The following PROS1 variants were observed in gnomAD, a reference collection of about 807,000 sequenced individuals.
PROS1 encodes the protein protein S.
In PROS1, 29 loss-of-function variants were observed where a neutral mutation model predicts 75.9. The observed-to-expected ratio is 0.38, with a 90% CI of 0.28 to 0.52. The LOEUF is 0.52. PROS1 is among the 20% of genes least tolerant of loss of function. PROS1 has a pLI of 0.83. For synonymous variants in PROS1, 245 were observed against 280.6 expected, an observed-to-expected ratio of 0.87 and a Z score of 1.27; for missense variants, 680 against 810.3, an observed-to-expected ratio of 0.84 and a Z score of 1.95.
intron 1 of PROS1, among the ~76,000 whole-genome samples, chr3:93,968,915 C>T (rs1376908379): frequency 1.3e-5 from 2 of 152,146 alleles, no homozygotes; most frequent in South Asian, 2.1e-4. Flanking sequence ...AATAAGGGCT[C>T]GGATTCTTCC....
chr3:93,957,785 G>A (rs768289619), intron 1 of PROS1, among the ~76,000 whole-genome samples: 1 of 152,104 alleles, frequency 6.6e-6, no homozygotes, highest in Non-Finnish European at 1.5e-5. Context: ...ACATTGCTAC[G>A]AAGAAATACC....
intron 10 of PROS1, among the ~76,000 whole-genome samples, chr3:93,891,706 A>C (rs1708432852): frequency 6.6e-6 from 1 of 152,040 alleles, no homozygotes; most frequent in Non-Finnish European, 1.5e-5. Context: ...CACTGCGCCC[A>C]GCCTAAAATG....
intron 3 of PROS1, among the ~76,000 whole-genome samples, chr3:93,911,437 T>C (rs1708758577): frequency 6.6e-6 from 1 of 152,176 alleles, no homozygotes; most frequent in African/African-American, 2.4e-5. Flanking sequence ...CAGCTTACTA[T>C]AAAAAAGATG....
intron 3 of PROS1, among the ~76,000 whole-genome samples, chr3:93,913,494 C>A (rs942919018): frequency 6.6e-5 from 10 of 152,176 alleles, no homozygotes; most frequent in African/African-American, 2.4e-4. Context: ...GCCTTTCCAG[C>A]CATGTGGAAC....
chr3:93,913,914 A>G (rs769640699), intron 3 of PROS1, among the ~76,000 whole-genome samples: 6 of 152,230 alleles, frequency 3.9e-5, no homozygotes, highest in Non-Finnish European at 7.3e-5. Flanking sequence ...AAAAGGAAAA[A>G]CAGGTAAGAA....
chr3:93,941,348 A>G (rs1428070225), intron 1 of PROS1, among the ~76,000 whole-genome samples: 3 of 152,156 alleles, frequency 2.0e-5, no homozygotes, highest in Non-Finnish European at 4.4e-5. Context: ...CTAACTTGGC[A>G]TAGTTCTTCA....
chr3:93,876,936 T>G, intron 14 of PROS1, 30 bp downstream of exon 14: 2 of 1,427,400 alleles, frequency 1.4e-6, no homozygotes, highest in Non-Finnish European at 2.0e-6. Context: ...AAATATACTT[T>G]TTAAAACTGA....
intron 6 of PROS1, among the ~76,000 whole-genome samples, chr3:93,905,251 T>C (rs1432812125): frequency 6.6e-6 from 1 of 152,200 alleles, no homozygotes; most frequent in African/African-American, 2.4e-5. Flanking sequence ...TATTGAAACA[T>C]ACACACAAGT....
At chr3:93,928,445 A>G (rs1207105130) in intron 1 of PROS1, among the ~76,000 whole-genome samples, 1 of 151,410 alleles carries the variant, frequency 6.6e-6, no homozygotes, top group Non-Finnish European at 1.5e-5. Context: ...GAGACACGAG[A>G]ATCATTTGAA....
chr3:93,944,419 A>G (rs1709345996), intron 1 of PROS1, among the ~76,000 whole-genome samples: 1 of 152,200 alleles, frequency 6.6e-6, no homozygotes, highest in South Asian at 2.1e-4. Flanking sequence ...AGCACTCCTC[A>G]GCAAATCTAA....
At chr3:93,943,161 C>G (rs930906526) in intron 1 of PROS1, among the ~76,000 whole-genome samples, 5 of 152,154 alleles carry the variant, frequency 3.3e-5, no homozygotes, top group African/African-American at 1.2e-4. Flanking sequence ...CTTCATACCC[C>G]TTACCAACCT....
At chr3:93,967,595 T>G (rs1464665573) in intron 1 of PROS1, among the ~76,000 whole-genome samples, 2 of 152,138 alleles carry the variant, frequency 1.3e-5, no homozygotes, top group Non-Finnish European at 2.9e-5. Flanking sequence ...ATCATTAAAA[T>G]ATAGTGCTAT....
At chr3:93,925,534 A>G (rs1709003419) in intron 2 of PROS1, among the ~76,000 whole-genome samples, 1 of 152,096 alleles carries the variant, frequency 6.6e-6, no homozygotes, top group African/African-American at 2.4e-5. Flanking sequence ...ACACAGTAAC[A>G]AATGTTTGGT....
chr3:93,886,238 A>G, intron 11 of PROS1, 98 bp downstream of exon 11: 1 of 1,172,298 alleles, frequency 8.5e-7, no homozygotes, highest in Non-Finnish European at 1.3e-6. Flanking sequence ...TATGCTTAAC[A>G]AAACAACTTC....
chr3:93,951,088 G>A (rs973875214), intron 1 of PROS1, among the ~76,000 whole-genome samples: 1 of 152,168 alleles, frequency 6.6e-6, no homozygotes, highest in African/African-American at 2.4e-5. Context: ...AGAAATATGG[G>A]ACTATGTGAA....
At chr3:93,928,047 C>G (rs1306091106) in intron 1 of PROS1, among the ~76,000 whole-genome samples, 2 of 117,870 alleles carry the variant, frequency 1.7e-5, no homozygotes, top group Non-Finnish European at 3.3e-5. Flanking sequence ...CGGAGTCTCG[C>G]TCTGTCGCCC....
intron 1 of PROS1, among the ~76,000 whole-genome samples, chr3:93,961,250 GA>G (rs1709702299): frequency 6.6e-6 from 1 of 152,202 alleles, no homozygotes; most frequent in South Asian, 2.1e-4. Flanking sequence ...GAGAAGCAGG[GA>G]AAGGTCAGTT....
intron 1 of PROS1, among the ~76,000 whole-genome samples, chr3:93,961,556 T>C (rs1709705934): frequency 6.6e-6 from 1 of 152,212 alleles, no homozygotes; most frequent in Non-Finnish European, 1.5e-5. Flanking sequence ...CCATTGATTT[T>C]AGCCTTGTGA....
At chr3:93,877,970 G>A (rs773224969) in intron 13 of PROS1, among the ~76,000 whole-genome samples, 7 of 152,220 alleles carry the variant, frequency 4.6e-5, no homozygotes, top group African/African-American at 7.2e-5. Flanking sequence ...GTACATGTCC[G>A]TATCCTTAAA....
Sources: allele counts gnomAD v4.1 joint callset (sites outside exome capture counted in the v4.1 genomes callset), GRCh38; gene constraint gnomAD v4.1.1; transcripts MANE v1.5; gene names NCBI Gene and HGNC (gene_info 2026-07-23, HGNC 2026-07-21).